Variants in RPS6KA6 observed in about 807,000 individuals in gnomAD.
RPS6KA6 encodes the protein ribosomal protein S6 kinase alpha-6.
A neutral mutation model predicts 65.4 loss-of-function variants in RPS6KA6; 27 were observed. That is an observed-to-expected ratio of 0.41 (90% confidence interval 0.30 to 0.57). RPS6KA6 has a LOEUF of 0.57. Among genes scored for constraint, RPS6KA6 ranks in the 20% least tolerant of loss-of-function variants. RPS6KA6 has a pLI of 0.24. For missense variants in RPS6KA6, 486 were observed against 555.6 expected (o/e 0.87, Z 1.26); for synonymous variants, 190 against 184.2 (o/e 1.03, Z -0.26).
Position 84,073,599 on chromosome X carries a change from A to G in RPS6KA6, c.1972-8488T>C, listed in dbSNP as rs1357716669. On this transcript the variant is annotated intron_variant, in intron 20 of 21. Coordinates refer to ENST00000262752, the MANE Select transcript of RPS6KA6 (RefSeq NM_014496.5). ...ACAGAGGAAAGAAACAATCTACAGA[A>G]TAGTAGAAAATATTTGCAAAGTACA... Among the ~76,000 whole-genome samples the G allele has an allele frequency of 2.7e-5, 3 of 111,831 alleles. No homozygotes were observed. In the Admixed American group the frequency reaches 2.9e-4, roughly 11 times the overall value.
Position 84,164,364 on chromosome X carries a change from A to G in RPS6KA6, c.105T>C (p.Asp35=). 8.3e-7 allele frequency: 1 copy of G among 1,199,663 alleles called. No individual in the cohort carries two copies. Residue 35 remains aspartate (D), a synonymous_variant, in exon 2 of 22, where the codon GAT becomes GAC. Coordinates refer to ENST00000262752, the MANE Select transcript of RPS6KA6 (RefSeq NM_014496.5). ...SGEVNGLKMV[D]EPMEEGEADS... is the part of the protein sequence containing the mutation. ...CTGCTTCTCCCTCTTCCATTGGCTCATCAACCATTTTAAGACCATTTACCT... is the reference window on the plus strand; with the variant it reads ...CTGCTTCTCCCTCTTCCATTGGCTCGTCAACCATTTTAAGACCATTTACCT...
intron 1 of RPS6KA6, 53 bp from the exon 2 acceptor site, chrX:84,164,440 T>C: frequency 1.2e-6 from 1 of 868,647 alleles, no homozygotes; most frequent in Non-Finnish European, 1.7e-6. Flanking sequence ...ACAAGAGTGA[T>C]AACTAAGAAA....
In RPS6KA6 at chrX:84,164,369, C is replaced by A; in HGVS notation, c.100G>T (p.Val34Phe). ...TCTCCCTCTTCCATTGGCTCATCAA[C>A]CATTTTAAGACCATTTACCTGAAAA... ...SSGEVNGLKM[V>F]DEPMEEGEAD... The change falls in exon 2 of 22, where the codon GTT becomes TTT. Residue 34 changes from valine (V) to phenylalanine (F), a missense_variant. Val to Phe is a conservative substitution (Grantham distance 50). Transcript: ENST00000262752. The A allele has an allele frequency of 1.7e-6, 2 of 1,195,176 alleles. No individual in the cohort carries two copies. Among genetic ancestry groups the A allele is most frequent in the Non-Finnish European group, 1.1e-6 (1 of 882,292 alleles).
intron 20 of RPS6KA6, among the ~76,000 whole-genome samples, chrX:84,082,895 T>C (rs879157403): frequency 8.9e-5 from 10 of 112,362 alleles, no homozygotes; most frequent in African/African-American, 2.3e-4. Flanking sequence ...GCTAGCCATA[T>C]GCAGAAAACT....
At chrX:84,106,564 A>G in intron 14 of RPS6KA6, 77 bp from the exon 15 acceptor site, 2 of 702,467 alleles carry the variant, frequency 2.8e-6, no homozygotes, top group South Asian at 5.8e-5. Flanking sequence ...CTAAATATAC[A>G]TTCATCTTAA....
chrX:84,167,792 G>A (rs977656123), intron 1 of RPS6KA6, among the ~76,000 whole-genome samples: 50 of 110,441 alleles, frequency 4.5e-4, no homozygotes, highest in African/African-American at 1.6e-3. Context: ...GTGTGTGTAT[G>A]TGTGTGTGTG....
At chrX:84,106,858 A>C in intron 14 of RPS6KA6, 52 bp downstream of exon 14, 1 of 991,711 alleles carries the variant, frequency 1.0e-6, no homozygotes, top group Non-Finnish European at 1.4e-6. Context: ...CATCAGCAAT[A>C]ACAGAGAAAT....
At chrX:84,156,897 T>C (rs2035425945) in intron 2 of RPS6KA6, among the ~76,000 whole-genome samples, 1 of 111,865 alleles carries the variant, frequency 8.9e-6, no homozygotes, top group South Asian at 3.7e-4. Flanking sequence ...ATAGCTAGGA[T>C]GACAGACGTA....
intron 20 of RPS6KA6, among the ~76,000 whole-genome samples, chrX:84,085,386 T>C (rs939824808): frequency 3.6e-5 from 4 of 111,999 alleles, no homozygotes; most frequent in African/African-American, 1.3e-4. Flanking sequence ...ACCCAGTTTA[T>C]TGAGCATTTT....
chrX:84,105,381 C>T (rs1478192600), intron 16 of RPS6KA6, among the ~76,000 whole-genome samples: 3 of 111,212 alleles, frequency 2.7e-5, no homozygotes, highest in Non-Finnish European at 5.7e-5. Context: ...AAGACTATTT[C>T]ACTCCAGAAA....
At chrX:84,109,966 G>A (rs1447128324) in intron 12 of RPS6KA6, among the ~76,000 whole-genome samples, 1 of 111,435 alleles carries the variant, frequency 9.0e-6, no homozygotes, top group Non-Finnish European at 1.9e-5. Flanking sequence ...TACTGCCACA[G>A]CTAATACCCA....
chrX:84,080,146 C>A (rs2033760907), intron 20 of RPS6KA6, among the ~76,000 whole-genome samples: 1 of 107,434 alleles, frequency 9.3e-6, no homozygotes, highest in Non-Finnish European at 1.9e-5. Flanking sequence ...CTGGCAGGTG[C>A]CCCTCTGGGA....
At chrX:84,114,659 T>G (rs2034531416) in intron 12 of RPS6KA6, among the ~76,000 whole-genome samples, 1 of 111,849 alleles carries the variant, frequency 8.9e-6, no homozygotes, top group South Asian at 3.8e-4. Context: ...AAAGCAACCC[T>G]AAGTAAAATT....
intron 17 of RPS6KA6, among the ~76,000 whole-genome samples, chrX:84,103,376 T>C (rs1383445121): frequency 1.8e-5 from 2 of 111,102 alleles, no homozygotes; most frequent in East Asian, 5.6e-4. Context: ...AAATAAAATG[T>C]AGGACTGGTA....
chrX:84,146,537 C>T (rs1160572317), intron 5 of RPS6KA6, among the ~76,000 whole-genome samples: 2 of 111,251 alleles, frequency 1.8e-5, no homozygotes, highest in Non-Finnish European at 3.8e-5. Flanking sequence ...TACTGGTAGT[C>T]CTCTCCCATT....
At chrX:84,155,747 C>G (rs909956689) in intron 3 of RPS6KA6, among the ~76,000 whole-genome samples, 1 of 112,059 alleles carries the variant, frequency 8.9e-6, no homozygotes, top group Non-Finnish European at 1.9e-5. Context: ...TGTATTCATG[C>G]CAGCATGGGA....
Position 84,064,855 on chromosome X carries a change from T to C in RPS6KA6, c.2112+116A>G, listed in dbSNP as rs2033365988. On this transcript the variant is annotated intron_variant, in intron 21 of 21. Coordinates refer to ENST00000262752, the MANE Select transcript of RPS6KA6 (RefSeq NM_014496.5). ...ATGGTTGTTAATTTAAAAAAATCTA[T>C]CTTTAAAAAATAAAGATATTTTAAG... 6 of 549,688 alleles carry C rather than the reference T, an allele frequency of 1.1e-5. No individual in the cohort carries two copies. In the East Asian group the frequency reaches 2.2e-4, roughly 21 times the overall value. The allele number at this position is 549,688 out of a possible 1,213,427, so 45.3% of individuals were successfully genotyped here.
At chrX:84,129,798 T>C (rs775720078) in intron 8 of RPS6KA6, among the ~76,000 whole-genome samples, 1 of 110,918 alleles carries the variant, frequency 9.0e-6, no homozygotes, top group African/African-American at 3.3e-5. Flanking sequence ...ATTAAAATAA[T>C]TGAACTCATG....
chrX:84,114,432 G>A (rs772475630), intron 12 of RPS6KA6, among the ~76,000 whole-genome samples: 1 of 110,917 alleles, frequency 9.0e-6, no homozygotes, highest in East Asian at 2.8e-4. Context: ...AAGCTGCAGT[G>A]AGCTGTGATT....
Sources: allele counts gnomAD v4.1 joint callset (sites outside exome capture counted in the v4.1 genomes callset), GRCh38; gene constraint gnomAD v4.1.1; transcripts MANE v1.5; gene names NCBI Gene and HGNC (gene_info 2026-07-23, HGNC 2026-07-21).